PCDHA10: variants seen among roughly 807,000 people sequenced by gnomAD.
PCDHA10 encodes protocadherin alpha 10, also known as protocadherin alpha-10.
PCDHA10 carries 45 observed loss-of-function variants against 61.2 expected under a neutral mutation model. That is an observed-to-expected ratio of 0.74 (90% CI 0.58 to 0.94). The LOEUF (loss-of-function observed/expected upper bound fraction) is 0.94. Among genes scored for constraint, PCDHA10 ranks in the 40% least tolerant of loss-of-function variants. The probability of loss-of-function intolerance (pLI) is 0.00; values close to 1 mark genes in which losing one functional copy is unlikely to be tolerated. For synonymous variants in PCDHA10, 602 were observed against 548.8 expected (o/e 1.10, Z -1.35); for missense variants, 1,278 against 1,236.2 (o/e 1.03, Z -0.51).
chr5:140,871,649 G>A (rs781859029), intron 1 of PCDHA10: 23 of 1,265,706 alleles, frequency 1.8e-5, no homozygotes, highest in Admixed American at 8.7e-5. Flanking sequence ...AATACCAAAT[G>A]ATACACATCT....
At chr5:140,953,419 C>T (rs2094885258) in intron 1 of PCDHA10, among the ~76,000 whole-genome samples, 2 of 152,134 alleles carry the variant, frequency 1.3e-5, no homozygotes, top group Admixed American at 1.3e-4. Context: ...GGCTCCTCCC[C>T]TTTGTCCTTA....
At chr5:140,877,010 A>T (rs1177640704) in intron 1 of PCDHA10, 2 of 1,612,296 alleles carry the variant, frequency 1.2e-6, no homozygotes, top group African/African-American at 2.7e-5. Context: ...GTGCACGCGG[A>T]GAGCGGCAAG....
At chr5:141,009,169 C>T (rs782079623) in intron 3 of PCDHA10, among the ~76,000 whole-genome samples, 13 of 152,186 alleles carry the variant, frequency 8.5e-5, no homozygotes, top group Non-Finnish European at 1.3e-4. Flanking sequence ...TAAATACTGG[C>T]CTTGGCTGGG....
chr5:140,938,439 A>C (rs2092064072), intron 1 of PCDHA10, among the ~76,000 whole-genome samples: 1 of 152,208 alleles, frequency 6.6e-6, no homozygotes, highest in African/African-American at 2.4e-5. Flanking sequence ...TATCAGATTT[A>C]TTAAGTTCCC....
At chr5:140,940,894 T>G (rs1364224332) in intron 1 of PCDHA10, among the ~76,000 whole-genome samples, 1 of 152,240 alleles carries the variant, frequency 6.6e-6, no homozygotes, top group Non-Finnish European at 1.5e-5. Flanking sequence ...AGTAAACCAC[T>G]TTAAATCAAG....
chr5:140,875,685 C>A (rs563250653), intron 1 of PCDHA10: 1 of 1,613,934 alleles, frequency 6.2e-7, no homozygotes, highest in East Asian at 2.2e-5. Context: ...CCAAAAGACA[C>A]GGGGACCTTC....
chr5:140,884,824 T>A, intron 1 of PCDHA10: 1 of 993,590 alleles, frequency 1.0e-6, no homozygotes, highest in Non-Finnish European at 1.4e-6. Context: ...ACATTATGTG[T>A]TGGATTATCC....
At chr5:140,957,070 C>T (rs1260856872) in intron 1 of PCDHA10, among the ~76,000 whole-genome samples, 2 of 151,958 alleles carry the variant, frequency 1.3e-5, no homozygotes, top group Non-Finnish European at 2.9e-5. Context: ...TGACTGAGGG[C>T]TTTTTATTAA....
At chr5:140,997,986 A>C (rs1554256110) in intron 3 of PCDHA10, among the ~76,000 whole-genome samples, 2 of 152,186 alleles carry the variant, frequency 1.3e-5, no homozygotes, top group African/African-American at 4.8e-5. Flanking sequence ...CACTTGTTAC[A>C]TACTTCCCTC....
intron 1 of PCDHA10, among the ~76,000 whole-genome samples, chr5:140,970,698 A>G (rs2096425914): frequency 6.6e-6 from 1 of 152,228 alleles, no homozygotes; most frequent in Non-Finnish European, 1.5e-5. Flanking sequence ...TTTTAGAGCT[A>G]CTACACAATG....
At chr5:140,982,660 T>C (rs2096994626) in intron 3 of PCDHA10, 97 bp downstream of exon 3, 2 of 1,482,562 alleles carry the variant, frequency 1.3e-6, no homozygotes, top group South Asian at 2.7e-5. Context: ...CTCTTTTTCT[T>C]TTATATTTTT....
chr5:140,977,974 A>G (rs2096783738), intron 1 of PCDHA10, among the ~76,000 whole-genome samples: 1 of 152,182 alleles, frequency 6.6e-6, no homozygotes, highest in African/African-American at 2.4e-5. Context: ...CCGCCCATGA[A>G]AACGCATCTA....
intron 1 of PCDHA10, chr5:140,968,458 T>C: frequency 6.2e-7 from 1 of 1,614,148 alleles, no homozygotes; most frequent in East Asian, 2.2e-5. Flanking sequence ...GCACTGTGAC[T>C]GCCAACGTAT....
intron 3 of PCDHA10, among the ~76,000 whole-genome samples, chr5:141,005,934 G>A (rs556608068): frequency 3.4e-4 from 52 of 151,912 alleles, no homozygotes; most frequent in Non-Finnish European, 7.2e-4. Context: ...TTGACAGAGT[G>A]AGAACCTATC....
chr5:140,964,812 T>C (rs2095855698), intron 1 of PCDHA10, among the ~76,000 whole-genome samples: 1 of 151,914 alleles, frequency 6.6e-6, no homozygotes, highest in Non-Finnish European at 1.5e-5. Flanking sequence ...GAGACAGGAA[T>C]AGATTTTGAT....
intron 1 of PCDHA10, among the ~76,000 whole-genome samples, chr5:140,878,691 A>G (rs2057689901): frequency 6.6e-6 from 1 of 152,168 alleles, no homozygotes; most frequent in Non-Finnish European, 1.5e-5. Context: ...AGTCTTACAT[A>G]CCCCAGCCTG....
chr5:140,933,545 A>G (rs1424166462), intron 1 of PCDHA10, among the ~76,000 whole-genome samples: 1 of 152,114 alleles, frequency 6.6e-6, no homozygotes, highest in Non-Finnish European at 1.5e-5. Flanking sequence ...TAATGTTAAT[A>G]TAAAATAAAA....
chr5:140,877,902 C>T (rs2153356896), intron 1 of PCDHA10: 1 of 1,438,302 alleles, frequency 7.0e-7, no homozygotes, highest in Middle Eastern at 2.3e-4. Flanking sequence ...TAGGTTATAA[C>T]TACATTCTCT....
At chr5:140,864,331 T>C (rs2048422342) in intron 1 of PCDHA10, 1 of 152,248 alleles carries the variant, frequency 6.6e-6, no homozygotes, top group Admixed American at 6.5e-5. Flanking sequence ...CATAATTATT[T>C]GAGTTTAAAA....
Sources: allele counts gnomAD v4.1 joint callset (sites outside exome capture counted in the v4.1 genomes callset), GRCh38; gene constraint gnomAD v4.1.1; transcripts MANE v1.5; gene names NCBI Gene and HGNC (gene_info 2026-07-23, HGNC 2026-07-21).